DPP10: variants seen among roughly 807,000 people sequenced by gnomAD.
DPP10 encodes dipeptidyl peptidase like 10.
Under a neutral mutation model 120.9 loss-of-function variants are expected in DPP10, and 33 were observed. That is an observed-to-expected ratio of 0.27 (90% CI 0.21 to 0.37). DPP10 has a LOEUF of 0.37. Ranked by LOEUF, DPP10 falls within the 10% of genes least tolerant of loss-of-function variation. DPP10 has a pLI of 1.00. For synonymous variants in DPP10, 337 were observed against 326.1 expected, an observed-to-expected ratio of 1.03 and a Z score of -0.36; for missense variants, 816 against 942.8, an observed-to-expected ratio of 0.87 and a Z score of 1.76.
chr2:114,571,992 T>C (rs1441609096), intron 1 of DPP10, among the ~76,000 whole-genome samples: 1 of 149,332 alleles, frequency 6.7e-6, no homozygotes, highest in Non-Finnish European at 1.5e-5. Context: ...TAGTATATAA[T>C]ACAATATTTA....
chr2:114,680,580 C>A (rs111509584), intron 1 of DPP10, among the ~76,000 whole-genome samples: 3 of 152,010 alleles, frequency 2.0e-5, no homozygotes, highest in East Asian at 1.9e-4. Flanking sequence ...TGAATAAAAA[C>A]GTGTTAAAAG....
Position 115,309,256 on chromosome 2 carries a change from C to A in DPP10, c.78C>A (p.Ser26Arg), listed in dbSNP as rs1216991225. Residue 26 changes from serine (S) to arginine (R), a missense_variant, in exon 2 of 26, where the codon AGC becomes AGA. Coordinates refer to ENST00000410059, the MANE Select transcript of DPP10 (RefSeq NM_020868.6). ...SKTIKELGSN[S>R]PPQRNWKGIA... Reference sequence around the variant, plus strand: ...CTCGGTAGGAACTGGGAAGTAACAGCCCTCCACAGAGAAACTGGAAGGGAA... The same window carrying A: ...CTCGGTAGGAACTGGGAAGTAACAGACCTCCACAGAGAAACTGGAAGGGAA... The A allele has an allele frequency of 6.2e-7, 1 of 1,612,980 alleles. No homozygotes were observed. The highest frequency in any genetic ancestry group is 1.3e-5 in the African/African-American group (1 of 74,894).
intron 1 of DPP10, among the ~76,000 whole-genome samples, chr2:114,749,564 T>TTTTATTTTATTTTA (rs1159088650): frequency 7.0e-6 from 1 of 143,702 alleles, no homozygotes; most frequent in African/African-American, 2.7e-5. Context: ...TTTTATTTTA[T>TTTTATTTTATTTTA]TTTATTTTAT....
intron 1 of DPP10, among the ~76,000 whole-genome samples, chr2:114,807,683 C>A (rs1308277289): frequency 6.6e-6 from 1 of 152,100 alleles, no homozygotes; most frequent in Non-Finnish European, 1.5e-5. Context: ...TGTTTCTGCA[C>A]ATAGTTTTGT....
At chr2:115,681,899 A>G (rs1221344606) in intron 5 of DPP10, among the ~76,000 whole-genome samples, 1 of 151,602 alleles carries the variant, frequency 6.6e-6, no homozygotes, top group African/African-American at 2.4e-5. Flanking sequence ...ATCCTATTGA[A>G]ATGAAGACAA....
intron 3 of DPP10, among the ~76,000 whole-genome samples, chr2:115,484,753 A>G (rs1198927213): frequency 3.9e-5 from 6 of 152,164 alleles, no homozygotes; most frequent in Non-Finnish European, 5.9e-5. Context: ...ATGAAGCCCT[A>G]CATGCAGTCA....
At chr2:114,712,059 A>T (rs774834839) in intron 1 of DPP10, among the ~76,000 whole-genome samples, 42 of 152,230 alleles carry the variant, frequency 2.8e-4, no homozygotes, top group Non-Finnish European at 5.1e-4. Flanking sequence ...GTGGCTCACA[A>T]CTGTAATCCC....
At chr2:115,290,573 T>G (rs1004201484) in intron 1 of DPP10, among the ~76,000 whole-genome samples, 3 of 152,124 alleles carry the variant, frequency 2.0e-5, no homozygotes, top group African/African-American at 7.2e-5. Flanking sequence ...TGAGACAAGG[T>G]GAGAAAATTC....
intron 1 of DPP10, among the ~76,000 whole-genome samples, chr2:114,670,556 G>A (rs1337403920): frequency 4.6e-5 from 7 of 152,018 alleles, no homozygotes; most frequent in Admixed American, 4.6e-4. Context: ...GGGAGGGATA[G>A]CATTAGGAGA....
intron 1 of DPP10, among the ~76,000 whole-genome samples, chr2:114,563,370 C>CA (rs72023983): frequency 0.014 from 1,451 of 105,238 alleles, 10 homozygotes; most frequent in South Asian, 0.028. Context: ...GACTCCATCT[C>CA]AAAAAAAAAA....
intron 1 of DPP10, among the ~76,000 whole-genome samples, chr2:114,931,418 G>A (rs1696061328): frequency 6.6e-6 from 1 of 152,184 alleles, no homozygotes; most frequent in Non-Finnish European, 1.5e-5. Context: ...AAGATGCAGT[G>A]AGGCCATGCC....
chr2:115,285,902 C>T (rs1334416226), intron 1 of DPP10, among the ~76,000 whole-genome samples: 2 of 151,930 alleles, frequency 1.3e-5, no homozygotes, highest in African/African-American at 4.8e-5. Context: ...TTTTCTCTAT[C>T]TGTTGTTTCT....
chr2:115,551,168 A>C (rs1295089939), intron 5 of DPP10, among the ~76,000 whole-genome samples: 1 of 152,134 alleles, frequency 6.6e-6, no homozygotes, highest in Non-Finnish European at 1.5e-5. Flanking sequence ...TGCAGACTTC[A>C]CTTGCTTGTA....
intron 3 of DPP10, among the ~76,000 whole-genome samples, chr2:115,481,684 T>C (rs2075438335): frequency 6.6e-6 from 1 of 152,114 alleles, no homozygotes; most frequent in Admixed American, 6.6e-5. Context: ...GTATAAAATT[T>C]ACTGATAAAG....
intron 7 of DPP10, among the ~76,000 whole-genome samples, chr2:115,698,610 T>G (rs1230087630): frequency 6.6e-6 from 1 of 152,212 alleles, no homozygotes; most frequent in Admixed American, 6.5e-5. Context: ...TCACTCTTGC[T>G]CTTTGTCTCT....
intron 1 of DPP10, among the ~76,000 whole-genome samples, chr2:115,220,869 C>T (rs1039168185): frequency 6.6e-6 from 1 of 151,044 alleles, no homozygotes; most frequent in Non-Finnish European, 1.5e-5. Context: ...ACCTTTTGCT[C>T]TCTATTTCAT....
At chr2:115,424,682 C>T (rs879473865) in intron 3 of DPP10, among the ~76,000 whole-genome samples, 2 of 151,778 alleles carry the variant, frequency 1.3e-5, no homozygotes, top group Non-Finnish European at 2.9e-5. Flanking sequence ...AAATTGAGAA[C>T]CTTAAAATGC....
chr2:114,978,798 T>C (rs561299080), intron 1 of DPP10, among the ~76,000 whole-genome samples: 8 of 152,274 alleles, frequency 5.3e-5, no homozygotes, highest in Non-Finnish European at 8.8e-5. Context: ...ATTTTATAAC[T>C]CACTAAAGGC....
At chr2:114,798,388 A>C (rs74350152) in intron 1 of DPP10, among the ~76,000 whole-genome samples, 6,369 of 152,284 alleles carry the variant, frequency 0.042, 446 homozygotes, top group African/African-American at 0.15. Context: ...CTTTTCTGTA[A>C]ATCTAAAGTA....
Sources: gnomAD v4.1 joint callset for allele counts (sites outside exome capture counted in the v4.1 genomes callset) on GRCh38, gnomAD v4.1.1 for gene constraint, MANE v1.5 for transcripts, NCBI Gene and HGNC (gene_info 2026-07-23, HGNC 2026-07-21) for gene names.